Variants in FRYL observed in about 807,000 individuals in gnomAD.
The protein encoded by FRYL is protein furry homolog-like.
A neutral mutation model predicts 351.2 loss-of-function variants in FRYL; 150 were observed. The ratio of observed to expected loss-of-function variants is 0.43; its 90% confidence interval spans 0.37 to 0.49. FRYL has a LOEUF of 0.49. FRYL is among the 20% of genes least tolerant of loss of function. The pLI, the probability that FRYL is intolerant of heterozygous loss-of-function variation, is 0.00. For missense variants in FRYL, 3,036 were observed against 3,619.3 expected (o/e 0.84, Z 4.13); for synonymous variants, 1,153 against 1,257.1 (o/e 0.92, Z 1.75).
intron 7 of FRYL, among the ~76,000 whole-genome samples, chr4:48,610,837 C>T (rs1412497687): frequency 6.8e-6 from 1 of 148,044 alleles, no homozygotes; most frequent in Non-Finnish European, 1.5e-5. Flanking sequence ...AATATGTATA[C>T]ATATATACAC....
chr4:48,509,658 A>G (rs138421170), intron 59 of FRYL, among the ~76,000 whole-genome samples: 1 of 152,336 alleles, frequency 6.6e-6, no homozygotes, highest in Non-Finnish European at 1.5e-5. Context: ...AATTCACTAC[A>G]TGCTTTTTTC....
chr4:48,595,727 A>G, intron 14 of FRYL, 29 bp from the exon 15 acceptor site: 1 of 1,429,822 alleles, frequency 7.0e-7, no homozygotes, highest in Middle Eastern at 1.8e-4. Context: ...AGTCATAGTG[A>G]GATCATAACA....
chr4:48,567,205 T>G lies in FRYL; in HGVS notation c.3169+43A>C, dbSNP rs1164380663. 2.0e-6 allele frequency: 3 copies of G among 1,487,110 alleles called. No homozygotes were observed. Among genetic ancestry groups the G allele is most frequent in the Non-Finnish European group, 2.7e-6 (3 of 1,100,328 alleles). The allele number at this position is 1,487,110 out of a possible 1,614,324, so 92.1% of individuals were successfully genotyped here. On this transcript the variant is annotated intron_variant, in intron 28 of 63. Coordinates refer to ENST00000358350, the MANE Select transcript of FRYL (RefSeq NM_015030.2). The surrounding 1 kb of genome is among the most constrained non-coding windows in gnomAD (Gnocchi z 4.2). ...CTCAAGGAAAGAAAAAATATGACGG[T>G]TCCTTAATACTCAATAATGCTTTAA...
At chr4:48,591,852 C>T (rs1253857573) in intron 16 of FRYL, among the ~76,000 whole-genome samples, 1 of 151,948 alleles carries the variant, frequency 6.6e-6, no homozygotes. Flanking sequence ...GATGCCTCTA[C>T]CTGGATGCCT....
In FRYL at chr4:48,609,811, G is replaced by C; in HGVS notation, c.424C>G (p.Pro142Ala). The change falls in exon 8 of 64, where the codon CCT (proline) becomes GCT (alanine). Residue 142 changes from proline (P) to alanine (A), a missense_variant. Around this residue, in one of 7 missense-constraint regions of FRYL, gnomAD observed 457 missense variants for 566.6 expected, o/e 0.81. Transcript: ENST00000358350. ...TCATGAACTAAGGGATCGGGTACAG[G>C]ATGAACAGGAATCTAGAATTTAAAA... ...VEVLKQIPVHPVPDPLVHEVL... is the reference protein window; with the variant it reads ...VEVLKQIPVHAVPDPLVHEVL... 1 of 1,584,280 alleles carries C rather than the reference G, an allele frequency of 6.3e-7. No homozygotes were observed. The highest frequency in any genetic ancestry group is 8.6e-7 in the Non-Finnish European group (1 of 1,161,422).
rs748475194 is a variant in FRYL at position 48,531,345 on chromosome 4, G to A, written c.6714C>T (p.Tyr2238=). 9.9e-6 allele frequency: 16 copies of A among 1,611,056 alleles called. No homozygotes were observed. Among genetic ancestry groups the A allele is most frequent in the African/African-American group, 2.7e-5 (2 of 74,822 alleles). ...TTAATATGTTAAGGGCTTCCTTCCA[G>A]TAAGGACTCTGGTTTAAAAAATAAT... ...KIIGKYVQSP[Y]WKEALNILKL... is the part of the protein sequence containing the mutation. The change falls in exon 50 of 64, where the codon TAC becomes TAT. Residue 2238 remains tyrosine (Y), a synonymous_variant. Coordinates refer to ENST00000358350, the MANE Select transcript of FRYL (RefSeq NM_015030.2).
chr4:48,538,680 ATT>A (rs1729436464), intron 47 of FRYL, among the ~76,000 whole-genome samples: 1 of 150,340 alleles, frequency 6.7e-6, no homozygotes, highest in African/African-American at 2.4e-5. Context: ...TTTTCTGGGG[ATT>A]TTATTTGCTT....
rs1333962618 is a variant in FRYL, at chr4:48,684,793, G to A, written c.-201C>T. Reference sequence around the variant, plus strand: ...TCCAAGATACCAATAAATGGCTTCAGCTCTGAGGAAAAACAAAATACATTT... The same window carrying A: ...TCCAAGATACCAATAAATGGCTTCAACTCTGAGGAAAAACAAAATACATTT... On this transcript the variant is annotated splice_region_variant and 5_prime_UTR_variant, in exon 3 of 64. Coordinates refer to ENST00000358350, the MANE Select transcript of FRYL (RefSeq NM_015030.2). 6.6e-6 allele frequency: 1 copy of A among 152,130 alleles called. No homozygotes were observed. Among genetic ancestry groups the A allele is most frequent in the African/African-American group, 2.4e-5 (1 of 41,430 alleles). 9.4% of individuals were successfully genotyped at this position (152,130 alleles called of 1,614,324 possible).
chr4:48,570,778 G>C, intron 27 of FRYL, 49 bp downstream of exon 27: 2 of 1,332,764 alleles, frequency 1.5e-6, no homozygotes, highest in Non-Finnish European at 2.2e-6. Context: ...AAGAGATTAC[G>C]TTCTCTAGGA....
intron 2 of FRYL, among the ~76,000 whole-genome samples, chr4:48,697,733 C>T (rs1043290443): frequency 2.0e-5 from 3 of 152,104 alleles, no homozygotes; most frequent in Non-Finnish European, 4.4e-5. Flanking sequence ...CCCGCATGGG[C>T]CTCGCATGAG....
intron 1 of FRYL, among the ~76,000 whole-genome samples, chr4:48,746,544 TAAAAAAA>T (rs75943469): frequency 7.3e-6 from 1 of 137,836 alleles, no homozygotes; most frequent in Non-Finnish European, 1.6e-5. Context: ...GACTCCGTTT[TAAAAAAA>T]AAAAAAAGAA....
chr4:48,659,926 GAAGA>G (rs1760330310), intron 3 of FRYL, among the ~76,000 whole-genome samples: 1 of 107,836 alleles, frequency 9.3e-6, no homozygotes, highest in African/African-American at 3.6e-5. Flanking sequence ...AGGAGAAGAA[GAAGA>G]AGAAGAAGAA....
At chr4:48,632,057 A>G (rs1222503984) in intron 4 of FRYL, among the ~76,000 whole-genome samples, 4 of 5,206 alleles carry the variant, frequency 7.7e-4, no homozygotes, top group African/African-American at 1.7e-3. Flanking sequence ...TGTCTCTCCA[A>G]AAAAAAAAAA....
intron 1 of FRYL, among the ~76,000 whole-genome samples, chr4:48,769,932 T>C (rs1254396191): frequency 2.6e-5 from 4 of 152,216 alleles, no homozygotes; most frequent in African/African-American, 9.6e-5. Context: ...GGGGGGAACC[T>C]TGAGCTTCAC....
rs1726521501 is a variant in FRYL, at chr4:48,527,551, C to T, written c.7243G>A (p.Asp2415Asn). 6.2e-7 allele frequency: 1 copy of T among 1,613,296 alleles called. No homozygotes were observed. Among genetic ancestry groups the T allele is most frequent in the Non-Finnish European group, 8.5e-7 (1 of 1,179,522 alleles). ...CCAAACTGTTGTTCACTGCTATTAT[C>T]TTCCACAGCTACTTCTTCCTCTTGA... Reference protein sequence around the residue: ...INQEEEVAVEDNSSEQQFGVF... With the variant: ...INQEEEVAVENNSSEQQFGVF... The change falls in exon 53 of 64, where the codon GAT becomes AAT. Residue 2415 changes from aspartate (D) to asparagine (N), a missense_variant. Physicochemically the swap from Asp to Asn is conservative, Grantham distance 23. Transcript: ENST00000358350.
chr4:48,575,769 A>C (rs1477489534), intron 24 of FRYL, among the ~76,000 whole-genome samples: 2 of 152,314 alleles, frequency 1.3e-5, no homozygotes, highest in Non-Finnish European at 2.9e-5. Flanking sequence ...TAGGTATGAC[A>C]ATTTCTTTAA....
chr4:48,634,543 T>A, intron 3 of FRYL, 53 bp from the exon 4 acceptor site: 1 of 1,422,282 alleles, frequency 7.0e-7, no homozygotes. Flanking sequence ...ACTCAAGAGG[T>A]CTACCATAAC....
chr4:48,711,132 A>C (rs1224639907), intron 1 of FRYL, among the ~76,000 whole-genome samples: 6 of 152,178 alleles, frequency 3.9e-5, no homozygotes, highest in African/African-American at 4.8e-5. Context: ...TCCCAGCGGG[A>C]GCGACACAGA....
chr4:48,740,289 A>ATTTTTTTT (rs71191255), intron 1 of FRYL, among the ~76,000 whole-genome samples: 1 of 97,884 alleles, frequency 1.0e-5, no homozygotes, highest in Non-Finnish European at 1.9e-5. Context: ...AAACAATCTG[A>ATTTTTTTT]TTTTTTTTTT....
Sources: allele counts gnomAD v4.1 joint callset (sites outside exome capture counted in the v4.1 genomes callset), GRCh38; gene constraint gnomAD v4.1.1; regional missense constraint gnomAD v4.1.1; non-coding constraint Gnocchi (gnomAD v3.1); transcripts MANE v1.5; gene names NCBI Gene and HGNC (gene_info 2026-07-23, HGNC 2026-07-21).